Variants in LYPLAL1 observed in about 807,000 individuals in gnomAD.
LYPLAL1 encodes the protein lysophospholipase-like protein 1.
In LYPLAL1, 23 loss-of-function variants were observed where a neutral mutation model predicts 19.7. That is an observed-to-expected ratio of 1.17 (90% CI 0.84 to 1.65). The LOEUF (loss-of-function observed/expected upper bound fraction) is 1.65, where lower values mean the gene tolerates loss of function less well. LYPLAL1 is among the 40% of genes most tolerant of loss of function. LYPLAL1 has a pLI of 0.00. For synonymous variants in LYPLAL1, 119 were observed against 96.3 expected (o/e 1.24, Z -1.38); for missense variants, 355 against 279.4 (o/e 1.27, Z -1.93).
chr1:219,240,592 A>G, the LYPLAL1 span, among the ~76,000 whole-genome samples: 1 of 152,238 alleles, frequency 6.6e-6, no homozygotes, highest in Non-Finnish European at 1.5e-5. Context: ...ATAAGGAAAT[A>G]ACTTTTTGCT....
intron 2 of LYPLAL1, among the ~76,000 whole-genome samples, chr1:219,183,444 G>A (rs576300288): frequency 6.6e-6 from 1 of 152,058 alleles, no homozygotes; most frequent in Non-Finnish European, 1.5e-5. Context: ...AAAATTTACA[G>A]TGAAATACAG....
chr1:219,387,712 A>G, the LYPLAL1 span, among the ~76,000 whole-genome samples: 15 of 152,332 alleles, frequency 9.8e-5, no homozygotes, highest in African/African-American at 3.4e-4. Context: ...AGAATCATGA[A>G]TCACTGGGAT....
chr1:219,347,124 C>G, the LYPLAL1 span, among the ~76,000 whole-genome samples: 1 of 152,250 alleles, frequency 6.6e-6, no homozygotes, highest in Admixed American at 6.5e-5. Flanking sequence ...CAATTTTGCT[C>G]TTATTAACCA....
At chr1:219,361,446 G>T in the LYPLAL1 span, among the ~76,000 whole-genome samples, 1 of 152,128 alleles carries the variant, frequency 6.6e-6, no homozygotes, top group Non-Finnish European at 1.5e-5. Flanking sequence ...TTGCTAGGGA[G>T]TGTGTGCATC....
chr1:219,241,052 A>C, the LYPLAL1 span, among the ~76,000 whole-genome samples: 4 of 147,334 alleles, frequency 2.7e-5, no homozygotes, highest in Non-Finnish European at 6.0e-5. Context: ...AAATATCTAT[A>C]TATATCTATA....
the LYPLAL1 span, among the ~76,000 whole-genome samples, chr1:219,382,699 A>G: frequency 6.6e-6 from 1 of 152,170 alleles, no homozygotes; most frequent in South Asian, 2.1e-4. Context: ...TTATACTTTA[A>G]AACTACCCAC....
At chr1:219,377,080 CAA>C in the LYPLAL1 span, among the ~76,000 whole-genome samples, 1 of 152,090 alleles carries the variant, frequency 6.6e-6, no homozygotes, top group Non-Finnish European at 1.5e-5. Flanking sequence ...AAAATCAACC[CAA>C]AGTGTCCACA....
At chr1:219,385,329 C>G in the LYPLAL1 span, among the ~76,000 whole-genome samples, 1 of 152,142 alleles carries the variant, frequency 6.6e-6, no homozygotes, top group Non-Finnish European at 1.5e-5. Flanking sequence ...TGCAGTTCCT[C>G]CAGCCCAATA....
At chr1:219,238,067 A>G in the LYPLAL1 span, among the ~76,000 whole-genome samples, 1 of 151,446 alleles carries the variant, frequency 6.6e-6, no homozygotes, top group African/African-American at 2.4e-5. Context: ...AGTTTCCTCA[A>G]GTTCCAACTG....
the LYPLAL1 span, among the ~76,000 whole-genome samples, chr1:219,379,108 A>G: frequency 5.9e-5 from 9 of 152,298 alleles, no homozygotes; most frequent in East Asian, 1.7e-3. Context: ...TAACCGTAAT[A>G]TTTGCCAGTA....
At chr1:219,244,723 A>C in the LYPLAL1 span, among the ~76,000 whole-genome samples, 2 of 152,054 alleles carry the variant, frequency 1.3e-5, no homozygotes, top group African/African-American at 4.8e-5. Context: ...AAGTAGGCAG[A>C]TCACCTGAGG....
At chr1:219,315,360 G>A in the LYPLAL1 span, among the ~76,000 whole-genome samples, 2 of 152,006 alleles carry the variant, frequency 1.3e-5, no homozygotes, top group Non-Finnish European at 2.9e-5. Flanking sequence ...AGCTGTACTT[G>A]AGTCAATCTT....
chr1:219,383,292 C>A, the LYPLAL1 span, among the ~76,000 whole-genome samples: 1 of 152,164 alleles, frequency 6.6e-6, no homozygotes. Context: ...ATGAAAAGCA[C>A]CAAATCCACA....
chr1:219,375,895 C>T, the LYPLAL1 span, among the ~76,000 whole-genome samples: 3 of 152,054 alleles, frequency 2.0e-5, no homozygotes, highest in Non-Finnish European at 4.4e-5. Flanking sequence ...GCGCCCGCCA[C>T]CACGCCCAGC....
chr1:219,193,079 C>T lies in LYPLAL1; in HGVS notation c.192-3C>T, dbSNP rs777444052. On this transcript the variant is annotated splice_polypyrimidine_tract_variant and splice_region_variant and intron_variant, in intron 2 of 4. Coordinates refer to ENST00000366928, the MANE Select transcript of LYPLAL1 (RefSeq NM_138794.5). ...TTTTTGGGGGGGGGCGGTTGTTAAACAGATCATATACTCCTATGAAAGGAG... is the reference window on the plus strand; with the variant it reads ...TTTTTGGGGGGGGGCGGTTGTTAAATAGATCATATACTCCTATGAAAGGAG... 47 of 1,460,572 alleles carry T rather than the reference C, an allele frequency of 3.2e-5. No individual in the cohort carries two copies. Among genetic ancestry groups the T allele is most frequent in the Middle Eastern group, 1.9e-4 (1 of 5,230 alleles). 90.5% of individuals were successfully genotyped at this position (1,460,572 alleles called of 1,614,324 possible).
At chr1:219,441,372 GA>G in the LYPLAL1 span, among the ~76,000 whole-genome samples, 2 of 152,166 alleles carry the variant, frequency 1.3e-5, no homozygotes, top group Non-Finnish European at 2.9e-5. Context: ...TTTTACAGAT[GA>G]AATAAGATGA....
the LYPLAL1 span, among the ~76,000 whole-genome samples, chr1:219,251,522 A>G: frequency 6.8e-6 from 1 of 147,928 alleles, no homozygotes; most frequent in Non-Finnish European, 1.5e-5. Context: ...AGCATCATTT[A>G]TTAAATAGGG....
At chr1:219,232,027 A>G in the LYPLAL1 span, among the ~76,000 whole-genome samples, 1 of 152,172 alleles carries the variant, frequency 6.6e-6, no homozygotes, top group East Asian at 1.9e-4. Flanking sequence ...GAAATTATAT[A>G]TGTTTCTGCC....
chr1:219,184,400 T>C (rs1656553286), intron 2 of LYPLAL1, among the ~76,000 whole-genome samples: 1 of 151,946 alleles, frequency 6.6e-6, no homozygotes, highest in Middle Eastern at 3.4e-3. Flanking sequence ...AATTCACTTA[T>C]TTCTAGTACT....
Sources: gnomAD v4.1 joint callset for allele counts (sites outside exome capture counted in the v4.1 genomes callset) on GRCh38, gnomAD v4.1.1 for gene constraint, MANE v1.5 for transcripts, NCBI Gene and HGNC (gene_info 2026-07-23, HGNC 2026-07-21) for gene names.